The following LRRIQ1 variants were observed in gnomAD, a reference collection of about 807,000 sequenced individuals.
The protein encoded by LRRIQ1 is leucine rich repeats and IQ motif containing 1.
Under a neutral mutation model 211.9 loss-of-function variants are expected in LRRIQ1, and 210 were observed. The observed-to-expected ratio is 0.99, with a 90% CI of 0.89 to 1.11. The LOEUF (loss-of-function observed/expected upper bound fraction) is 1.11, where lower values mean the gene tolerates loss of function less well. LRRIQ1 is among the 50% of genes most tolerant of loss of function. The pLI is 0.00. For missense variants in LRRIQ1, 2,136 were observed against 1,939.5 expected, an observed-to-expected ratio of 1.10 and a Z score of -1.90; for synonymous variants, 699 against 650.1, an observed-to-expected ratio of 1.08 and a Z score of -1.14.
At chr12:85,066,204 A>G (rs1048173246) in intron 9 of LRRIQ1, among the ~76,000 whole-genome samples, 5 of 151,774 alleles carry the variant, frequency 3.3e-5, no homozygotes, top group African/African-American at 1.2e-4. Context: ...TCCCAAATAC[A>G]CCAAAGTATC....
intron 24 of LRRIQ1, among the ~76,000 whole-genome samples, chr12:85,213,977 GC>G (rs1201227039): frequency 1.3e-5 from 2 of 151,790 alleles, no homozygotes; most frequent in African/African-American, 4.8e-5. Flanking sequence ...CAACTGTAAA[GC>G]TTTAATAAAA....
intron 18 of LRRIQ1, among the ~76,000 whole-genome samples, chr12:85,128,904 T>C (rs1240147529): frequency 1.3e-5 from 2 of 152,198 alleles, no homozygotes; most frequent in Non-Finnish European, 2.9e-5. Context: ...GATTTTCTGC[T>C]CAGTGTCTCA....
intron 24 of LRRIQ1, among the ~76,000 whole-genome samples, chr12:85,168,746 T>C (rs981975186): frequency 6.6e-6 from 1 of 152,164 alleles, no homozygotes; most frequent in Non-Finnish European, 1.5e-5. Flanking sequence ...TGCAAAGTAT[T>C]GTCACCTATT....
chr12:85,070,805 T>G (rs1173071162), intron 10 of LRRIQ1, among the ~76,000 whole-genome samples: 1 of 151,914 alleles, frequency 6.6e-6, no homozygotes, highest in Non-Finnish European at 1.5e-5. Context: ...ATGGCAACAT[T>G]AATATAACCA....
intron 15 of LRRIQ1, among the ~76,000 whole-genome samples, chr12:85,116,138 G>GTTGT (rs922372016): frequency 1.5e-4 from 23 of 152,096 alleles, no homozygotes; most frequent in Admixed American, 4.6e-4. Context: ...TTTTTTTGTT[G>GTTGT]TTGTTTGTTT....
chr12:85,164,396 T>C (rs1462465973), intron 24 of LRRIQ1, among the ~76,000 whole-genome samples: 1 of 152,184 alleles, frequency 6.6e-6, no homozygotes, highest in Non-Finnish European at 1.5e-5. Flanking sequence ...ATTTTTCATC[T>C]ATGAAATAAG....
At position 85,078,017 on chromosome 12, in the gene LRRIQ1, G is replaced by A. The variant is rs183331761; in HGVS notation, c.2887+4919G>A. On this transcript the variant is annotated intron_variant, in intron 11 of 26. Coordinates refer to ENST00000393217, the MANE Select transcript of LRRIQ1 (RefSeq NM_001079910.2). ...AAAAAAAAAATTGATTAAAGACAAAGGGTAGCAACTTACTCTAACTTCATT... is the reference window on the plus strand; with the variant it reads ...AAAAAAAAAATTGATTAAAGACAAAAGGTAGCAACTTACTCTAACTTCATT... 3.7e-3 allele frequency among the ~76,000 whole-genome samples: 561 copies of A among 151,468 alleles called. 19 individuals carry two copies. The highest frequency in any genetic ancestry group is 0.03 in the Admixed American group (463 of 15,206).
chr12:85,136,148 C>G (rs1366927842), intron 18 of LRRIQ1, among the ~76,000 whole-genome samples: 3 of 151,574 alleles, frequency 2.0e-5, no homozygotes, highest in Non-Finnish European at 4.4e-5. Context: ...CTCTCCCTCA[C>G]TCCTCCAACC....
chr12:85,223,662 T>C (rs931584533), intron 24 of LRRIQ1, among the ~76,000 whole-genome samples: 2 of 152,062 alleles, frequency 1.3e-5, no homozygotes, highest in Non-Finnish European at 2.9e-5. Context: ...AATCTATGCC[T>C]ACAGAAAATG....
At chr12:85,229,376 T>C in intron 24 of LRRIQ1, 141 bp from the exon 25 acceptor site, 1 of 595,606 alleles carries the variant, frequency 1.7e-6, no homozygotes, top group East Asian at 3.0e-5. Flanking sequence ...CTTACTGACA[T>C]TAGTTTTCTT....
In LRRIQ1 at chr12:85,056,670, A is replaced by T; in HGVS notation, c.1877A>T (p.Glu626Val). ...TCAGAAAATTCCAAAGATGTAAGAG[A>T]AAACGTAATATTACAAGAAAAAGAA... The part of the protein sequence containing the change: ...LTSENSKDVR[E>V]NVILQEKEIY... Residue 626 changes from glutamate to valine, a missense_variant, in exon 8 of 27, where the codon GAA becomes GTA. Transcript: ENST00000393217. 1 of 1,603,500 alleles carries T rather than the reference A, an allele frequency of 6.2e-7. No individual in the cohort carries two copies. Among genetic ancestry groups the T allele is most frequent in the African/African-American group, 1.3e-5 (1 of 74,276 alleles).
intron 2 of LRRIQ1, 135 bp downstream of exon 2, chr12:85,038,443 TTG>T: frequency 4.8e-6 from 2 of 419,100 alleles, no homozygotes; most frequent in Non-Finnish European, 7.3e-6. Context: ...ATAAATTATA[TTG>T]AATATATATA....
intron 24 of LRRIQ1, among the ~76,000 whole-genome samples, chr12:85,217,596 A>G (rs1894188475): frequency 7.3e-6 from 1 of 137,238 alleles, no homozygotes; most frequent in Non-Finnish European, 1.5e-5. Flanking sequence ...ATATATATGT[A>G]TATATGTATA....
At chr12:85,191,017 T>C (rs754660890) in intron 24 of LRRIQ1, among the ~76,000 whole-genome samples, 4 of 151,988 alleles carry the variant, frequency 2.6e-5, no homozygotes, top group Non-Finnish European at 5.9e-5. Context: ...TAAAAAACCA[T>C]TTTTTAAATA....
intron 24 of LRRIQ1, among the ~76,000 whole-genome samples, chr12:85,223,578 A>G (rs1894506760): frequency 6.6e-6 from 1 of 152,194 alleles, no homozygotes; most frequent in Non-Finnish European, 1.5e-5. Flanking sequence ...CATGCAGTTT[A>G]TAGAATTGGG....
At chr12:85,097,423 C>T (rs1288417490) in intron 11 of LRRIQ1, among the ~76,000 whole-genome samples, 1 of 151,576 alleles carries the variant, frequency 6.6e-6, no homozygotes, top group Non-Finnish European at 1.5e-5. Flanking sequence ...CCCACCCTAC[C>T]ACAGGCCCCA....
Position 85,153,078 on chromosome 12 carries a change from G to T in LRRIQ1, c.4474G>T (p.Ala1492Ser), listed in dbSNP as rs889565306. Residue 1492 changes from alanine (A) to serine (S), a missense_variant, in exon 21 of 27, where the codon GCT becomes TCT. Physicochemically the swap from Ala to Ser is moderately conservative, Grantham distance 99. Transcript: ENST00000393217. ...DTSFNLPSNP[A>S]QAWLCNDKEN... is the part of the protein sequence containing the mutation. ...TTCATTTAATTTACCAAGTAATCCA[G>T]CTCAAGCATGGTTATGTAATGACAA... 1 of 1,586,304 alleles carries T rather than the reference G, an allele frequency of 6.3e-7. No homozygotes were observed. Among genetic ancestry groups the T allele is most frequent in the Non-Finnish European group, 8.6e-7 (1 of 1,161,762 alleles).
chr12:85,056,247 A>T lies in LRRIQ1; in HGVS notation c.1454A>T (p.Glu485Val). Reference protein sequence around the residue: ...LADFKMEEKNENLAKKRCSEE... With the variant: ...LADFKMEEKNVNLAKKRCSEE... ...GATTTTAAAATGGAAGAAAAAAATG[A>T]AAACCTAGCAAAAAAACGATGTTCA... Residue 485 changes from glutamate to valine, a missense_variant, in exon 8 of 27, where the codon GAA becomes GTA. Physicochemically the swap from Glu to Val is moderately radical, Grantham distance 121 (BLOSUM62 -2). Coordinates refer to ENST00000393217, the MANE Select transcript of LRRIQ1 (RefSeq NM_001079910.2). 1 of 1,573,050 alleles carries T rather than the reference A, an allele frequency of 6.4e-7. No individual in the cohort carries two copies. The highest frequency in any genetic ancestry group is 8.6e-7 in the Non-Finnish European group (1 of 1,169,308).
chr12:85,142,739 G>A (rs1371260988), intron 19 of LRRIQ1, among the ~76,000 whole-genome samples: 1 of 151,444 alleles, frequency 6.6e-6, no homozygotes, highest in African/African-American at 2.4e-5. Context: ...TTCTGTGCCT[G>A]GCTTATCTCA....
Sources: gnomAD v4.1 joint callset for allele counts (sites outside exome capture counted in the v4.1 genomes callset) on GRCh38, gnomAD v4.1.1 for gene constraint, MANE v1.5 for transcripts, NCBI Gene and HGNC (gene_info 2026-07-23, HGNC 2026-07-21) for gene names.